LDAH: variants seen among roughly 807,000 people sequenced by gnomAD.
LDAH encodes lipid droplet-associated hydrolase.
A neutral mutation model predicts 29.6 loss-of-function variants in LDAH; 26 were observed. The observed-to-expected ratio is 0.88, with a 90% CI of 0.64 to 1.22. The LOEUF (loss-of-function observed/expected upper bound fraction) is 1.22. LDAH is among the 50% of genes most tolerant of loss of function. The pLI is 0.00. For synonymous variants in LDAH, 117 were observed against 133.0 expected, an observed-to-expected ratio of 0.88 and a Z score of 0.83; for missense variants, 344 against 387.3, an observed-to-expected ratio of 0.89 and a Z score of 0.94.
chr2:20,786,743 G>T (rs967152413), intron 3 of LDAH, among the ~76,000 whole-genome samples: 2 of 152,166 alleles, frequency 1.3e-5, no homozygotes, highest in African/African-American at 4.8e-5. Context: ...GGGCCTGAAT[G>T]CCTGTGCTGT....
At chr2:20,703,145 C>T (rs1054607955) in intron 5 of LDAH, among the ~76,000 whole-genome samples, 16 of 152,204 alleles carry the variant, frequency 1.1e-4, no homozygotes, top group African/African-American at 3.6e-4. Context: ...TTAATTTTTA[C>T]ATTTTGCCTC....
chr2:20,772,162 G>A (rs1415455853), intron 4 of LDAH, among the ~76,000 whole-genome samples: 1 of 152,132 alleles, frequency 6.6e-6, no homozygotes, highest in Non-Finnish European at 1.5e-5. Context: ...ACACAAAAGA[G>A]AAACCACACA....
chr2:20,754,578 T>C (rs181016848), intron 4 of LDAH, among the ~76,000 whole-genome samples: 13 of 151,030 alleles, frequency 8.6e-5, no homozygotes, highest in African/African-American at 3.2e-4. Flanking sequence ...AACATCTCGA[T>C]TAGGTGATTG....
At chr2:20,803,265 C>T (rs1671844739) in intron 1 of LDAH, among the ~76,000 whole-genome samples, 1 of 152,156 alleles carries the variant, frequency 6.6e-6, no homozygotes. Context: ...AAGCTTTCTC[C>T]AGCATCTGGC....
intron 5 of LDAH, among the ~76,000 whole-genome samples, chr2:20,706,161 G>A (rs969054597): frequency 6.6e-6 from 1 of 152,200 alleles, no homozygotes; most frequent in African/African-American, 2.4e-5. Context: ...CTAAGAAATG[G>A]ATTAGATATT....
chr2:20,745,161 G>C (rs1331334735), intron 4 of LDAH, among the ~76,000 whole-genome samples: 1 of 152,112 alleles, frequency 6.6e-6, no homozygotes, highest in Non-Finnish European at 1.5e-5. Context: ...TCTGTTGGCT[G>C]TATCACTTCA....
At chr2:20,759,217 G>A (rs1668524486) in intron 4 of LDAH, among the ~76,000 whole-genome samples, 2 of 152,146 alleles carry the variant, frequency 1.3e-5, no homozygotes, top group South Asian at 4.1e-4. Context: ...TGCTCCCTCT[G>A]GTCTCTATAT....
Position 20,806,328 on chromosome 2 carries a change from C to T in LDAH, c.-2-4863G>A, listed in dbSNP as rs529360940. On this transcript the variant is annotated intron_variant, in intron 1 of 6. Coordinates refer to ENST00000237822, the MANE Select transcript of LDAH (RefSeq NM_021925.4). ...TATTAAATGTGGACCATTCTGTGGACTCTGTTATTGTGCCACGATGACACA... is the reference window on the plus strand; with the variant it reads ...TATTAAATGTGGACCATTCTGTGGATTCTGTTATTGTGCCACGATGACACA... Among the ~76,000 whole-genome samples the T allele has an allele frequency of 3.9e-5, 6 of 152,214 alleles. No individual in the cohort carries two copies. The South Asian group carries it at 6.2e-4, about 16-fold the overall frequency.
chr2:20,757,529 T>TA (rs1010188479), intron 4 of LDAH, among the ~76,000 whole-genome samples: 5 of 152,008 alleles, frequency 3.3e-5, no homozygotes, highest in African/African-American at 1.2e-4. Context: ...GGTATTCAGT[T>TA]AAAAAAAATA....
At chr2:20,805,153 T>G (rs181716940) in intron 1 of LDAH, among the ~76,000 whole-genome samples, 1 of 152,152 alleles carries the variant, frequency 6.6e-6, no homozygotes, top group Non-Finnish European at 1.5e-5. Context: ...TTCAAGTAAA[T>G]GACATTGTGG....
At chr2:20,789,245 A>T in intron 3 of LDAH, 1 of 1,550,502 alleles carries the variant, frequency 6.4e-7, no homozygotes, top group South Asian at 1.2e-5. Context: ...TTTGGGAAGT[A>T]ATTAGGATCA....
chr2:20,749,145 G>A (rs564883494), intron 4 of LDAH, among the ~76,000 whole-genome samples: 1 of 152,242 alleles, frequency 6.6e-6, no homozygotes, highest in Non-Finnish European at 1.5e-5. Context: ...TGCCTTCAGA[G>A]ATCATAAAGT....
chr2:20,779,030 C>A (rs931940755), intron 3 of LDAH, among the ~76,000 whole-genome samples: 1 of 151,908 alleles, frequency 6.6e-6, no homozygotes, highest in African/African-American at 2.4e-5. Flanking sequence ...ATGGAACAGA[C>A]AAGACTGGAG....
rs1662585540 is a variant in LDAH, at chr2:20,686,743, TCA to T, written c.*158_*159del. On this transcript the variant is annotated 3_prime_UTR_variant, in exon 7 of 7. Transcript: ENST00000237822. ...GAATGATTCATCAACTGTGTTTACT[TCA>T]GCCTATAACATGGCGAGCGGAGAGT... is the stretch of plus-strand genomic sequence containing the variant. 1 of 617,804 alleles carries T rather than the reference TCA, an allele frequency of 1.6e-6. No homozygotes were observed. Among genetic ancestry groups the T allele is most frequent in the African/African-American group, 1.9e-5 (1 of 53,872 alleles). 38.3% of individuals were successfully genotyped at this position (617,804 alleles called of 1,614,324 possible). A position where few individuals can be genotyped will look rare whatever the true frequency, so the allele number is the denominator to read the frequency against.
rs757200654 is a variant in LDAH at position 20,753,386 on chromosome 2, G to A, written c.469-13181C>T. On this transcript the variant is annotated intron_variant, in intron 4 of 6. Transcript: ENST00000237822. ...CCTGTATAATTGTTCAAATACAGGC[G>A]ACTGGAATAATCTCCATGGAAATAC... Among the ~76,000 whole-genome samples the A allele has an allele frequency of 5.3e-5, 8 of 152,160 alleles. No individual in the cohort carries two copies. The East Asian group carries it at 5.8e-4, about 11-fold the overall frequency.
chr2:20,730,402 G>A (rs888766245), intron 5 of LDAH, among the ~76,000 whole-genome samples: 5 of 152,098 alleles, frequency 3.3e-5, no homozygotes, highest in Admixed American at 6.5e-5. Flanking sequence ...TTTCCAGAGT[G>A]GGTGCACCAT....
intron 4 of LDAH, among the ~76,000 whole-genome samples, chr2:20,771,250 G>A (rs1669391958): frequency 1.3e-5 from 2 of 152,018 alleles, no homozygotes; most frequent in Admixed American, 1.3e-4. Flanking sequence ...CCTATAATTA[G>A]TTATGAAAAT....
intron 5 of LDAH, among the ~76,000 whole-genome samples, chr2:20,729,212 C>CT (rs11376945): frequency 0.24 from 35,728 of 151,794 alleles, 4,691 homozygotes; most frequent in East Asian, 0.35. Context: ...AGGAAGAGTC[C>CT]TTTCTTTCAA....
At position 20,692,703 on chromosome 2, in the gene LDAH, T is replaced by C. The variant is rs183032039; in HGVS notation, c.787-5609A>G. On this transcript the variant is annotated intron_variant, in intron 6 of 6. Coordinates refer to ENST00000237822, the MANE Select transcript of LDAH (RefSeq NM_021925.4). ...GAAGTCAAGTTTGGTACAAACGATA[T>C]CTCATCAATACAACTTGAAATGTTT... Among the ~76,000 whole-genome samples, 20 of 152,326 alleles carry C rather than the reference T, an allele frequency of 1.3e-4. No individual in the cohort carries two copies. The East Asian group carries it at 3.7e-3, about 28-fold the overall frequency.
Sources: gnomAD v4.1 joint callset for allele counts (sites outside exome capture counted in the v4.1 genomes callset) on GRCh38, gnomAD v4.1.1 for gene constraint, MANE v1.5 for transcripts, NCBI Gene and HGNC (gene_info 2026-07-23, HGNC 2026-07-21) for gene names.